Variants in DLG2 observed in about 807,000 individuals in gnomAD.
The protein encoded by DLG2 is disks large homolog 2.
DLG2 carries 45 observed loss-of-function variants against 132.5 expected under a neutral mutation model. That is an observed-to-expected ratio of 0.34 (90% CI 0.27 to 0.44). The LOEUF (loss-of-function observed/expected upper bound fraction) is 0.44. Ranked by LOEUF, DLG2 falls within the 20% of genes least tolerant of loss-of-function variation. The pLI is 1.00. For synonymous variants in DLG2, 424 were observed against 419.6 expected (o/e 1.01, Z -0.13); for missense variants, 1,045 against 1,196.9 (o/e 0.87, Z 1.87).
At chr11:84,550,226 C>T (rs1285977588) in intron 6 of DLG2, among the ~76,000 whole-genome samples, 1 of 152,020 alleles carries the variant, frequency 6.6e-6, no homozygotes, top group Admixed American at 6.6e-5. Flanking sequence ...ATGCTATTAC[C>T]AGTATTGTAG....
intron 12 of DLG2, among the ~76,000 whole-genome samples, chr11:83,970,868 C>T (rs1217969328): frequency 6.6e-6 from 1 of 152,152 alleles, no homozygotes; most frequent in East Asian, 1.9e-4. Flanking sequence ...TAGGGTGCTG[C>T]TGATGAAGCT....
At position 85,453,303 on chromosome 11, in the gene DLG2, A is replaced by T. The variant is rs553393882; in HGVS notation, c.40+145354T>A. 34 of 275,630 alleles carry T rather than the reference A, an allele frequency of 1.2e-4. No individual in the cohort carries two copies. In the South Asian group the frequency reaches 2.2e-3, roughly 18 times the overall value. 17.1% of individuals were successfully genotyped at this position (275,630 alleles called of 1,614,324 possible). A position where few individuals can be genotyped will look rare whatever the true frequency, so the allele number is the denominator to read the frequency against. ...GAATTAATATGAATCTCTTTGAGCT[A>T]AACTTTGGCTTCATAAGTCATTCTT... On this transcript the variant is annotated intron_variant, in intron 3 of 27. Coordinates refer to ENST00000376104, the MANE Select transcript of DLG2 (RefSeq NM_001142699.3).
intron 7 of DLG2, among the ~76,000 whole-genome samples, chr11:84,319,379 C>T (rs377194259): frequency 1.7e-4 from 26 of 152,244 alleles, no homozygotes; most frequent in South Asian, 1.0e-3. Context: ...ATGAGAATGT[C>T]GGAAAGTGAT....
intron 11 of DLG2, among the ~76,000 whole-genome samples, chr11:84,000,016 T>A (rs1420125765): frequency 1.3e-5 from 2 of 149,438 alleles, no homozygotes; most frequent in African/African-American, 4.9e-5. Context: ...TAGTAACAGA[T>A]CCCAAGCAAA....
intron 4 of DLG2, among the ~76,000 whole-genome samples, chr11:85,234,978 T>C (rs1383194426): frequency 1.3e-5 from 2 of 152,002 alleles, no homozygotes; most frequent in Non-Finnish European, 2.9e-5. Context: ...TCTATCTCTC[T>C]ATATAATCAT....
intron 8 of DLG2, among the ~76,000 whole-genome samples, chr11:84,225,553 C>A (rs1047306993): frequency 1.3e-5 from 2 of 152,162 alleles, no homozygotes; most frequent in African/African-American, 4.8e-5. Flanking sequence ...CAAGGGCAGT[C>A]GTTTCCTTTA....
intron 19 of DLG2, among the ~76,000 whole-genome samples, chr11:83,547,770 C>G (rs2096277405): frequency 6.6e-6 from 1 of 152,130 alleles, no homozygotes; most frequent in Admixed American, 6.6e-5. Context: ...TGTTTTAAGT[C>G]ATTAGTTCTG....
In DLG2 at chr11:83,724,175, T is replaced by C. The variant is rs538201689; in HGVS notation, c.1825+62515A>G. ...CAGAACGTACTACCCATTTTACTGATAAGAAAACTGAACGCGTAAAATAAA... is the reference window on the plus strand; with the variant it reads ...CAGAACGTACTACCCATTTTACTGACAAGAAAACTGAACGCGTAAAATAAA... On this transcript the variant is annotated intron_variant, in intron 18 of 27. Transcript: ENST00000376104. Among the ~76,000 whole-genome samples the C allele has an allele frequency of 8.3e-4, 126 of 152,254 alleles. 2 individuals are homozygous for C. In the South Asian group the frequency reaches 0.024, roughly 29 times the overall value.
intron 6 of DLG2, among the ~76,000 whole-genome samples, chr11:84,871,708 A>ATTGT (rs1164193937): frequency 6.7e-6 from 1 of 149,174 alleles, no homozygotes; most frequent in African/African-American, 2.5e-5. Context: ...ACATCATTTC[A>ATTGT]TTGTTTATTT....
At chr11:83,644,625 A>G (rs1396146436) in intron 18 of DLG2, among the ~76,000 whole-genome samples, 1 of 152,140 alleles carries the variant, frequency 6.6e-6, no homozygotes, top group Non-Finnish European at 1.5e-5. Context: ...GAACTTACCC[A>G]CAGCCCCCAA....
intron 6 of DLG2, among the ~76,000 whole-genome samples, chr11:84,675,213 C>T (rs1016472359): frequency 2.0e-5 from 3 of 152,062 alleles, no homozygotes; most frequent in Non-Finnish European, 1.5e-5. Flanking sequence ...TTGTTCTTAA[C>T]AGAACATCTA....
intron 21 of DLG2, among the ~76,000 whole-genome samples, chr11:83,490,841 G>A (rs2093798740): frequency 6.6e-6 from 1 of 151,882 alleles, no homozygotes; most frequent in South Asian, 2.1e-4. Context: ...AAGGAGATAA[G>A]GAAATAGGAC....
intron 8 of DLG2, among the ~76,000 whole-genome samples, chr11:84,181,619 G>A (rs145607972): frequency 2.5e-3 from 374 of 152,188 alleles, no homozygotes; most frequent in Non-Finnish European, 4.3e-3. Context: ...ATGACTGTAT[G>A]TTGTCTACAA....
intron 7 of DLG2, among the ~76,000 whole-genome samples, chr11:84,310,990 C>T (rs2098280967): frequency 6.6e-6 from 1 of 152,162 alleles, no homozygotes; most frequent in African/African-American, 2.4e-5. Context: ...TTCAGCATTT[C>T]CTTACCTCTA....
At chr11:84,729,769 T>C (rs2062937200) in intron 6 of DLG2, among the ~76,000 whole-genome samples, 1 of 152,004 alleles carries the variant, frequency 6.6e-6, no homozygotes, top group Admixed American at 6.6e-5. Context: ...AACCAATAAA[T>C]AAGTGATCTT....
chr11:85,194,224 T>C (rs1566990695), intron 4 of DLG2, among the ~76,000 whole-genome samples: 1 of 152,222 alleles, frequency 6.6e-6, no homozygotes, highest in Non-Finnish European at 1.5e-5. Context: ...TGCTAGTGTC[T>C]GTGGTAGCAG....
chr11:85,322,088 C>G (rs1419692407), intron 3 of DLG2, among the ~76,000 whole-genome samples: 3 of 152,008 alleles, frequency 2.0e-5, no homozygotes, highest in Non-Finnish European at 4.4e-5. Context: ...CTCTCCAAAC[C>G]TTATCATCAC....
At chr11:84,694,237 C>T (rs978820747) in intron 6 of DLG2, among the ~76,000 whole-genome samples, 3 of 151,496 alleles carry the variant, frequency 2.0e-5, no homozygotes, top group Non-Finnish European at 4.4e-5. Flanking sequence ...GAAAATTATT[C>T]TCCTTAAGAG....
In DLG2 at chr11:83,455,744, T is replaced by C. The variant is rs1008997174; in HGVS notation, c.*4074A>G. On this transcript the variant is annotated 3_prime_UTR_variant, in exon 28 of 28. Coordinates refer to ENST00000376104, the MANE Select transcript of DLG2 (RefSeq NM_001142699.3). The stretch of plus-strand genomic sequence containing the variant: ...CATGGTATACATACCATATATACCA[T>C]ACATACACAGAAGTAAAATGTATAT... 12 of 152,652 alleles carry C rather than the reference T, an allele frequency of 7.9e-5. No individual in the cohort carries two copies. Among genetic ancestry groups the C allele is most frequent in the Non-Finnish European group, 1.6e-4 (11 of 68,040 alleles). The allele number at this position is 152,652 out of a possible 1,614,324, so 9.5% of individuals were successfully genotyped here.
Sources: gnomAD v4.1 joint callset for allele counts (sites outside exome capture counted in the v4.1 genomes callset) on GRCh38, gnomAD v4.1.1 for gene constraint, MANE v1.5 for transcripts, NCBI Gene and HGNC (gene_info 2026-07-23, HGNC 2026-07-21) for gene names.